The following COA6 variants were observed in gnomAD, a reference collection of about 807,000 sequenced individuals.
COA6 encodes the protein cytochrome c oxidase assembly factor 6 homolog.
A neutral mutation model predicts 17.1 loss-of-function variants in COA6; 12 were observed. That is an observed-to-expected ratio of 0.70 (90% CI 0.45 to 1.14). The LOEUF (loss-of-function observed/expected upper bound fraction) is 1.14. COA6 is among the 50% of genes most tolerant of loss of function. The pLI is 0.00. For synonymous variants in COA6, 90 were observed against 73.4 expected (o/e 1.23, Z -1.16); for missense variants, 246 against 196.5 (o/e 1.25, Z -1.51).
intron 2 of COA6, among the ~76,000 whole-genome samples, chr1:234,381,011 A>C (rs1658957095): frequency 6.6e-6 from 1 of 152,166 alleles, no homozygotes; most frequent in African/African-American, 2.4e-5. Flanking sequence ...AATAAAATAA[A>C]ATAAAAGGCT....
Position 234,383,016 on chromosome 1 carries a change from AG to A in COA6, c.373-706del, listed in dbSNP as rs1266735457. Among the ~76,000 whole-genome samples the A allele has an allele frequency of 9.9e-4, 35 of 35,526 alleles. No individual in the cohort carries two copies. In the Admixed American group the frequency reaches 0.01, roughly 10 times the overall value. 23.3% of individuals were successfully genotyped at this position (35,526 alleles called of 152,430 possible). On this transcript the variant is annotated intron_variant, in intron 2 of 2. Coordinates refer to ENST00000366615, the MANE Select transcript of COA6 (RefSeq NM_001206641.3). ...AGCGAGACTCTCTGTCAAGAAAGAA[AG>A]AGAGAGAGAGAGAGAAGGAAGGGAG...
At chr1:234,376,987 A>C (rs1210066446) in intron 2 of COA6, among the ~76,000 whole-genome samples, 1 of 151,356 alleles carries the variant, frequency 6.6e-6, no homozygotes. Context: ...CGAGATCAGC[A>C]TGCCAGCATG....
rs368845256 is a variant in COA6, at chr1:234,383,843, T to C, written c.*25T>C. ...GGCTGTTCATAAAGATTGAAAGTAT[T>C]CTTTCTGGACATTGAAAAAGCTCCA... On this transcript the variant is annotated 3_prime_UTR_variant, in exon 3 of 3. Transcript: ENST00000366615. 3 of 1,215,882 alleles carry C rather than the reference T, an allele frequency of 2.5e-6. No homozygotes were observed. Among genetic ancestry groups the C allele is most frequent in the Non-Finnish European group, 3.6e-6 (3 of 835,046 alleles). 75.3% of individuals were successfully genotyped at this position (1,215,882 alleles called of 1,614,324 possible).
At chr1:234,382,294 C>T (rs1424325513) in intron 2 of COA6, among the ~76,000 whole-genome samples, 1 of 152,142 alleles carries the variant, frequency 6.6e-6, no homozygotes. Context: ...CATCCTGGAG[C>T]TGGGTTGGAG....
At chr1:234,380,976 G>A (rs907718620) in intron 2 of COA6, among the ~76,000 whole-genome samples, 3 of 152,128 alleles carry the variant, frequency 2.0e-5, no homozygotes, top group African/African-American at 2.4e-5. Context: ...CTCCAGCTTG[G>A]GTGACAGAGT....
At chr1:234,374,470 G>T in intron 2 of COA6, 81 bp downstream of exon 2, 1 of 1,357,262 alleles carries the variant, frequency 7.4e-7, no homozygotes, top group South Asian at 1.3e-5. Context: ...GACATGAAGC[G>T]CTCTCTGAGG....
intron 2 of COA6, among the ~76,000 whole-genome samples, chr1:234,383,223 G>A (rs1230503028): frequency 6.6e-6 from 1 of 152,126 alleles, no homozygotes; most frequent in African/African-American, 2.4e-5. Flanking sequence ...AGGTTCCTGA[G>A]TTATTCAAAT....
intron 2 of COA6, among the ~76,000 whole-genome samples, chr1:234,382,469 C>G (rs983206231): frequency 1.3e-5 from 2 of 152,304 alleles, no homozygotes; most frequent in Non-Finnish European, 2.9e-5. Context: ...AATAACGGAT[C>G]TATTAGCACA....
intron 2 of COA6, among the ~76,000 whole-genome samples, chr1:234,377,841 T>C (rs569389196): frequency 1.3e-5 from 2 of 152,282 alleles, no homozygotes; most frequent in African/African-American, 4.8e-5. Flanking sequence ...GGCCCAATAG[T>C]GGCCATTACC....
At chr1:234,378,560 G>T (rs1041387511) in intron 2 of COA6, among the ~76,000 whole-genome samples, 8 of 152,222 alleles carry the variant, frequency 5.3e-5, no homozygotes, top group Non-Finnish European at 1.0e-4. Flanking sequence ...TCCAGGCAGA[G>T]AGAATGAAAC....
At chr1:234,378,059 A>T (rs1335014635) in intron 2 of COA6, among the ~76,000 whole-genome samples, 1 of 152,250 alleles carries the variant, frequency 6.6e-6, no homozygotes, top group East Asian at 1.9e-4. Flanking sequence ...CAGTTAATGG[A>T]TCTAGAGCGG....
At chr1:234,377,219 C>G (rs1658833430) in intron 2 of COA6, among the ~76,000 whole-genome samples, 1 of 151,378 alleles carries the variant, frequency 6.6e-6, no homozygotes. Flanking sequence ...CTCTGCTGCC[C>G]AGGTTCAAGC....
In COA6 at chr1:234,373,660, G is replaced by C; in HGVS notation, c.194G>C (p.Gly65Ala). 1.2e-6 allele frequency: 2 copies of C among 1,613,082 alleles called. No homozygotes were observed. The highest frequency in any genetic ancestry group is 1.7e-6 in the Non-Finnish European group (2 of 1,179,270). ...TCCCGTCGACATCGAAAGGAAGCCG[G>C]ACGTGGGCGGGCAGAGAGGTCGGCT... ...VSSRRHRKEA[G>A]RGRAESFIAV... Residue 65 changes from glycine to alanine, a missense_variant, in exon 1 of 3, where the codon GGA becomes GCA. Coordinates refer to ENST00000366615, the MANE Select transcript of COA6 (RefSeq NM_001206641.3).
At chr1:234,374,040 A>G in intron 1 of COA6, 190 bp from the exon 2 acceptor site, 1 of 885,574 alleles carries the variant, frequency 1.1e-6, no homozygotes, top group Non-Finnish European at 1.7e-6. Flanking sequence ...GGGTGGCCTT[A>G]TGCTGCCACT....
rs1296855651 is a variant in COA6, at chr1:234,384,582, CAA to C, written c.*771_*772del. Reference sequence around the variant, plus strand: ...TAAAAATACCATTTGTGAATAGCACCAAAAAAAATTAAAGGAATACTTAGGTA... The same window carrying C: ...TAAAAATACCATTTGTGAATAGCACCAAAAAATTAAAGGAATACTTAGGTA... On this transcript the variant is annotated 3_prime_UTR_variant, in exon 3 of 3. Coordinates refer to ENST00000366615, the MANE Select transcript of COA6 (RefSeq NM_001206641.3). Among the ~76,000 whole-genome samples, 2 of 151,494 alleles carry C rather than the reference CAA, an allele frequency of 1.3e-5. No homozygotes were observed. The highest frequency in any genetic ancestry group is 4.8e-5 in the African/African-American group (2 of 41,250).
intron 2 of COA6, among the ~76,000 whole-genome samples, chr1:234,374,597 GC>G (rs1658730563): frequency 6.6e-6 from 1 of 152,184 alleles, no homozygotes; most frequent in South Asian, 2.1e-4. Context: ...ACATTAAAGA[GC>G]ATCGAAAAAC....
chr1:234,383,371 C>T lies in COA6; in HGVS notation c.373-352C>T, dbSNP rs564550479. On this transcript the variant is annotated intron_variant, in intron 2 of 2. Coordinates refer to ENST00000366615, the MANE Select transcript of COA6 (RefSeq NM_001206641.3). ...ATCACAGGAAAGGGAACATCACACA[C>T]TGGGGCCTGTTGTGGGGTGGGGGGA... Among the ~76,000 whole-genome samples, 229 of 124,358 alleles carry T rather than the reference C, an allele frequency of 1.8e-3. 2 individuals carry two copies. Among genetic ancestry groups the T allele is most frequent in the African/African-American group, 6.7e-3 (213 of 31,748 alleles). The allele number at this position is 124,358 out of a possible 152,430, so 81.6% of individuals were successfully genotyped here.
At chr1:234,379,182 G>A (rs1342203033) in intron 2 of COA6, among the ~76,000 whole-genome samples, 1 of 151,694 alleles carries the variant, frequency 6.6e-6, no homozygotes, top group Non-Finnish European at 1.5e-5. Context: ...GCCCGGCCAT[G>A]GTTGGTGCTT....
chr1:234,383,013 GAA>G (rs977656490), intron 2 of COA6, among the ~76,000 whole-genome samples: 3 of 68,744 alleles, frequency 4.4e-5, no homozygotes, highest in East Asian at 5.8e-4. Context: ...TGTCAAGAAA[GAA>G]AGAGAGAGAG....
Sources: allele counts gnomAD v4.1 joint callset (sites outside exome capture counted in the v4.1 genomes callset), GRCh38; gene constraint gnomAD v4.1.1; transcripts MANE v1.5; gene names NCBI Gene and HGNC (gene_info 2026-07-23, HGNC 2026-07-21).